SOX5: variants seen among roughly 807,000 people sequenced by gnomAD.
The protein encoded by SOX5 is SRY-box transcription factor 5, also known as transcription factor SOX-5.
SOX5 carries 9 observed loss-of-function variants against 92.0 expected under a neutral mutation model. The ratio of observed to expected loss-of-function variants is 0.10; its 90% CI spans 0.06 to 0.17. SOX5 has a LOEUF of 0.17. SOX5 is among the 10% of genes least tolerant of loss of function. The pLI is 1.00. For missense variants in SOX5, 642 were observed against 944.5 expected (o/e 0.68, Z 4.20); for synonymous variants, 344 against 336.3 (o/e 1.02, Z -0.25).
At chr12:23,829,747 T>A (rs770503543) in intron 3 of SOX5, among the ~76,000 whole-genome samples, 8 of 152,090 alleles carry the variant, frequency 5.3e-5, no homozygotes, top group Non-Finnish European at 8.8e-5. Flanking sequence ...TCAGCAGGAA[T>A]CAAATAGATT....
chr12:23,660,703 T>TA (rs2082921387), intron 7 of SOX5, among the ~76,000 whole-genome samples: 1 of 122,770 alleles, frequency 8.1e-6, no homozygotes, highest in Admixed American at 7.7e-5. Context: ...AACTTCCAGG[T>TA]TAAAAAAAAA....
At chr12:23,682,679 T>A (rs1182919294) in intron 6 of SOX5, among the ~76,000 whole-genome samples, 3 of 151,848 alleles carry the variant, frequency 2.0e-5, no homozygotes, top group African/African-American at 7.2e-5. Context: ...ATTCTCAACA[T>A]AAATCTTAAG....
intron 1 of SOX5, among the ~76,000 whole-genome samples, chr12:24,369,299 A>G (rs1295022603): frequency 6.6e-6 from 1 of 152,190 alleles, no homozygotes; most frequent in Admixed American, 6.5e-5. Flanking sequence ...TGTGATTTAC[A>G]GTGGGTGGTT....
At chr12:23,543,792 G>A (rs1424992813) in intron 12 of SOX5, among the ~76,000 whole-genome samples, 1 of 152,142 alleles carries the variant, frequency 6.6e-6, no homozygotes, top group Admixed American at 6.5e-5. Context: ...GATTATAGGG[G>A]AGGATATATC....
intron 4 of SOX5, among the ~76,000 whole-genome samples, chr12:24,090,247 C>T (rs1039531116): frequency 6.6e-6 from 1 of 151,978 alleles, no homozygotes; most frequent in Non-Finnish European, 1.5e-5. Context: ...TTACAAGTGC[C>T]CTTTCCAAAT....
In SOX5 at chr12:24,438,309, G is replaced by A. The variant is rs187351019; in HGVS notation, c.-250-69670C>T. Among the ~76,000 whole-genome samples the A allele has an allele frequency of 2.2e-3, 338 of 152,162 alleles. 1 individual carries two copies. The highest frequency in any genetic ancestry group is 0.011 in the East Asian group (58 of 5,164). On this transcript the variant is annotated intron_variant, in intron 1 of 4. Coordinates refer to the SOX5 transcript ENST00000446891. ...GTTGGGGTGCCAAGGGAGGGATAGC[G>A]TTAGGAGAAATACCTATTGTAGATG... is the stretch of plus-strand genomic sequence containing the variant.
intron 4 of SOX5, among the ~76,000 whole-genome samples, chr12:24,131,464 A>C (rs1949639528): frequency 6.6e-6 from 1 of 152,218 alleles, no homozygotes; most frequent in Non-Finnish European, 1.5e-5. Context: ...ACATAAATAA[A>C]GGCCCAATGA....
chr12:23,621,053 A>G (rs2077114057), intron 8 of SOX5, among the ~76,000 whole-genome samples: 1 of 152,114 alleles, frequency 6.6e-6, no homozygotes, highest in African/African-American at 2.4e-5. Context: ...CATATTAGTT[A>G]TGATTATTAT....
chr12:23,932,567 G>T (rs1941680610), intron 1 of SOX5, among the ~76,000 whole-genome samples: 1 of 151,450 alleles, frequency 6.6e-6, no homozygotes, highest in African/African-American at 2.4e-5. Context: ...AAGTGAATCA[G>T]AAAAGAAAGA....
intron 4 of SOX5, among the ~76,000 whole-genome samples, chr12:24,181,286 G>T (rs1340629883): frequency 6.6e-6 from 1 of 152,158 alleles, no homozygotes. Context: ...CTTAACTTTG[G>T]TTGGATTCTC....
At chr12:23,604,334 T>C (rs940740610) in intron 9 of SOX5, 53 bp downstream of exon 9, 76 of 1,589,960 alleles carry the variant, frequency 4.8e-5, no homozygotes, top group East Asian at 4.0e-4. Context: ...ATAAATACCA[T>C]TGAATGAAAA....
At chr12:24,138,989 A>G (rs1246802829) in intron 4 of SOX5, among the ~76,000 whole-genome samples, 2 of 152,214 alleles carry the variant, frequency 1.3e-5, no homozygotes, top group Non-Finnish European at 1.5e-5. Flanking sequence ...TGCACAATAT[A>G]TCTCCATCCC....
rs145076969 is a variant in SOX5, at chr12:24,187,765, T to C, written c.-2+25578A>G. On this transcript the variant is annotated intron_variant, in intron 4 of 4. Transcript: ENST00000446891. ...TTAATGGAGTCTAGCATTGTCTTTC[T>C]GACATGAGAAAAAAAATCAACTGTG... is the stretch of plus-strand genomic sequence containing the variant. 7.3e-3 allele frequency among the ~76,000 whole-genome samples: 1,114 copies of C among 152,286 alleles called. 3 individuals carry two copies. Among genetic ancestry groups the C allele is most frequent in the South Asian group, 0.01 (49 of 4,830 alleles).
chr12:23,889,589 T>C (rs970111278), intron 2 of SOX5, among the ~76,000 whole-genome samples: 1 of 152,182 alleles, frequency 6.6e-6, no homozygotes, highest in African/African-American at 2.4e-5. Flanking sequence ...CTCTATCATG[T>C]GCATTGAATG....
chr12:24,057,439 C>T (rs561140273), intron 4 of SOX5, among the ~76,000 whole-genome samples: 24 of 152,224 alleles, frequency 1.6e-4, no homozygotes, highest in African/African-American at 5.8e-4. Context: ...TTAATATTAT[C>T]AACACTTTTG....
rs550243930 is a variant in SOX5 at position 24,423,077 on chromosome 12, C to G, written c.-250-54438G>C. 7.9e-5 allele frequency among the ~76,000 whole-genome samples: 12 copies of G among 152,272 alleles called. No individual in the cohort carries two copies. In the East Asian group the frequency reaches 1.7e-3, roughly 22 times the overall value. ...ATTGTGAATTGTTTGAAAATGTTAT[C>G]TATATTTGGTAAATTATGGCTAATA... On this transcript the variant is annotated intron_variant, in intron 1 of 4. Transcript: ENST00000446891.
At chr12:23,823,577 C>G (rs1490748123) in intron 3 of SOX5, among the ~76,000 whole-genome samples, 1 of 152,192 alleles carries the variant, frequency 6.6e-6, no homozygotes, top group Non-Finnish European at 1.5e-5. Context: ...CTTGATGAAT[C>G]TGACGATTAC....
intron 2 of SOX5, among the ~76,000 whole-genome samples, chr12:24,314,159 CA>C (rs1372149829): frequency 3.9e-5 from 6 of 152,102 alleles, no homozygotes; most frequent in South Asian, 4.1e-4. Flanking sequence ...ATTCCTTGAC[CA>C]AAACCTGTGT....
intron 4 of SOX5, among the ~76,000 whole-genome samples, chr12:24,202,834 A>ATG (rs1957658006): frequency 6.6e-6 from 1 of 152,176 alleles, no homozygotes; most frequent in Non-Finnish European, 1.5e-5. Flanking sequence ...ATTACTGGTG[A>ATG]TGTTAACTTT....
Sources: gnomAD v4.1 joint callset for allele counts (sites outside exome capture counted in the v4.1 genomes callset) on GRCh38, gnomAD v4.1.1 for gene constraint, MANE v1.5 for transcripts, NCBI Gene and HGNC (gene_info 2026-07-23, HGNC 2026-07-21) for gene names.